Variants in GULP1 observed in about 807,000 individuals in gnomAD.
GULP1 encodes PTB domain-containing engulfment adapter protein 1.
Under a neutral mutation model 40.9 loss-of-function variants are expected in GULP1, and 19 were observed. The observed-to-expected ratio is 0.46, with a 90% CI of 0.32 to 0.68. The LOEUF (loss-of-function observed/expected upper bound fraction) is 0.68, where lower values mean the gene tolerates loss of function less well. GULP1 is among the 30% of genes least tolerant of loss of function. GULP1 has a pLI of 0.03. For synonymous variants in GULP1, 119 were observed against 117.6 expected (o/e 1.01, Z -0.08); for missense variants, 312 against 362.2 (o/e 0.86, Z 1.12).
At chr2:188,390,272 G>A (rs975826962) in intron 2 of GULP1, among the ~76,000 whole-genome samples, 6 of 151,964 alleles carry the variant, frequency 3.9e-5, no homozygotes, top group African/African-American at 7.2e-5. Context: ...CCACTTCCAC[G>A]CCAAATCTAT....
intron 1 of GULP1, among the ~76,000 whole-genome samples, chr2:188,312,214 A>G (rs2038282788): frequency 6.6e-6 from 1 of 152,012 alleles, no homozygotes; most frequent in African/African-American, 2.4e-5. Context: ...AAACCCAGAT[A>G]TATGTTCAGA....
intron 2 of GULP1, among the ~76,000 whole-genome samples, chr2:188,406,703 A>G (rs935902911): frequency 5.3e-5 from 8 of 152,134 alleles, no homozygotes; most frequent in Non-Finnish European, 1.2e-4. Flanking sequence ...AAAGGAATGA[A>G]GAAATATTAC....
chr2:188,440,745 GTTGT>G (rs2057847784), intron 2 of GULP1, among the ~76,000 whole-genome samples: 1 of 152,010 alleles, frequency 6.6e-6, no homozygotes, highest in Admixed American at 6.6e-5. Context: ...TCCAAACCAA[GTTGT>G]TTGTTATCAA....
At chr2:188,386,876 A>G (rs2049834710) in intron 2 of GULP1, among the ~76,000 whole-genome samples, 1 of 152,218 alleles carries the variant, frequency 6.6e-6, no homozygotes, top group African/African-American at 2.4e-5. Context: ...GGTTGCAGGC[A>G]GTAGCAATTT....
chr2:188,414,688 A>C (rs2152734143), intron 2 of GULP1, among the ~76,000 whole-genome samples: 1 of 152,310 alleles, frequency 6.6e-6, no homozygotes, highest in East Asian at 1.9e-4. Flanking sequence ...GTAATATGTC[A>C]GGGGCTTACA....
chr2:188,344,985 A>G (rs1017066113), intron 1 of GULP1, among the ~76,000 whole-genome samples: 1 of 150,458 alleles, frequency 6.6e-6, no homozygotes, highest in African/African-American at 2.4e-5. Flanking sequence ...AACAATTAGG[A>G]TCTTATTTTC....
intron 7 of GULP1, among the ~76,000 whole-genome samples, chr2:188,560,381 C>T (rs998164289): frequency 1.6e-4 from 25 of 152,148 alleles, no homozygotes; most frequent in African/African-American, 3.4e-4. Flanking sequence ...TATCTCAGAC[C>T]TCCTCACATT....
rs144804479 is a variant in GULP1, at chr2:188,419,743, T to C, written c.-45+35854T>C. On this transcript the variant is annotated intron_variant, in intron 2 of 11. Transcript: ENST00000409830. The stretch of plus-strand genomic sequence containing the variant: ...TCCCACATGTTTATTTTGTTGCTTG[T>C]CCTTTTGGTGTCATCTGTAACATCA... 3.6e-3 allele frequency among the ~76,000 whole-genome samples: 544 copies of C among 152,304 alleles called. 4 individuals are homozygous for C. Among genetic ancestry groups the C allele is most frequent in the African/African-American group, 0.012 (517 of 41,562 alleles).
intron 1 of GULP1, among the ~76,000 whole-genome samples, chr2:188,383,007 G>T (rs535788922): frequency 2.9e-4 from 44 of 152,228 alleles, no homozygotes; most frequent in African/African-American, 1.0e-3. Context: ...AAGTTATGAC[G>T]GGAAGCAGGG....
At chr2:188,462,156 C>T (rs1336309392) in intron 2 of GULP1, among the ~76,000 whole-genome samples, 1 of 152,014 alleles carries the variant, frequency 6.6e-6, no homozygotes, top group Non-Finnish European at 1.5e-5. Context: ...ATAAATTTTT[C>T]AACTTTCTGC....
intron 6 of GULP1, among the ~76,000 whole-genome samples, chr2:188,538,151 A>G (rs73042433): frequency 0.021 from 3,252 of 151,960 alleles, 106 homozygotes; most frequent in African/African-American, 0.074. Context: ...GGGTTTGTTC[A>G]TTGTTTTTAT....
At chr2:188,519,099 A>G (rs768177091) in intron 4 of GULP1, among the ~76,000 whole-genome samples, 49 of 152,172 alleles carry the variant, frequency 3.2e-4, no homozygotes, top group Non-Finnish European at 5.9e-4. Flanking sequence ...TAGTTTTAGC[A>G]TGATTGTCCT....
intron 9 of GULP1, among the ~76,000 whole-genome samples, chr2:188,579,440 A>G (rs1369972476): frequency 6.6e-6 from 1 of 152,106 alleles, no homozygotes; most frequent in African/African-American, 2.4e-5. Context: ...TTGTGGGTAG[A>G]GATGATATTT....
At chr2:188,406,368 A>G (rs1025563713) in intron 2 of GULP1, among the ~76,000 whole-genome samples, 1 of 152,198 alleles carries the variant, frequency 6.6e-6, no homozygotes, top group Non-Finnish European at 1.5e-5. Flanking sequence ...ACCATCATGT[A>G]TTTGGTACAC....
intron 11 of GULP1, chr2:188,589,470 T>C (rs16830148): frequency 0.01 from 2,725 of 261,096 alleles, 86 homozygotes; most frequent in African/African-American, 0.055. Context: ...AATATTTATG[T>C]GGTAGTATTT....
In GULP1 at chr2:188,512,779, T is replaced by A. The variant is rs533102090; in HGVS notation, c.91-9977T>A. On this transcript the variant is annotated intron_variant, in intron 4 of 11. Transcript: ENST00000409830. ...TCAAACTTCCACACATTTTGTTAAA[T>A]AGAATACAGTGAAAGAATGGAAGAA... is the stretch of plus-strand genomic sequence containing the variant. 1.6e-4 allele frequency among the ~76,000 whole-genome samples: 24 copies of A among 152,194 alleles called. No homozygotes were observed. The South Asian group carries it at 5.0e-3, about 32-fold the overall frequency.
chr2:188,479,098 G>A (rs928625383), intron 3 of GULP1, among the ~76,000 whole-genome samples: 1 of 151,952 alleles, frequency 6.6e-6, no homozygotes, highest in Non-Finnish European at 1.5e-5. Context: ...TTTAATATAG[G>A]GAAAATGAAT....
At position 188,342,769 on chromosome 2, in the gene GULP1, T is replaced by C. The variant is rs555115851; in HGVS notation, c.-171-40994T>C. Among the ~76,000 whole-genome samples the C allele has an allele frequency of 1.7e-4, 26 of 152,318 alleles. 1 individual carries two copies. In the East Asian group the frequency reaches 4.1e-3, roughly 24 times the overall value. Reference sequence around the variant, plus strand: ...TTTTAGACTTAAATCTCATTTTCGTTTTGCTACTTCTCTAGTAAAAATGTG... The same window carrying C: ...TTTTAGACTTAAATCTCATTTTCGTCTTGCTACTTCTCTAGTAAAAATGTG... On this transcript the variant is annotated intron_variant, in intron 1 of 11. Coordinates refer to ENST00000409830, the MANE Select transcript of GULP1 (RefSeq NM_016315.4).
intron 1 of GULP1, among the ~76,000 whole-genome samples, chr2:188,331,371 G>A (rs1298880672): frequency 6.6e-6 from 1 of 152,074 alleles, no homozygotes; most frequent in African/African-American, 2.4e-5. Context: ...CTTTTGTGCA[G>A]CCAAAATAAA....
Sources: allele counts gnomAD v4.1 joint callset (sites outside exome capture counted in the v4.1 genomes callset), GRCh38; gene constraint gnomAD v4.1.1; transcripts MANE v1.5; gene names NCBI Gene and HGNC (gene_info 2026-07-23, HGNC 2026-07-21).